Variants in EFCAB14 observed in about 807,000 individuals in gnomAD.
EFCAB14 encodes EF-hand calcium-binding domain-containing protein 14.
In EFCAB14, 43 loss-of-function variants were observed where a neutral mutation model predicts 56.5. That is an observed-to-expected ratio of 0.76 (90% CI 0.60 to 0.98). EFCAB14 has a LOEUF of 0.98. EFCAB14 is among the 50% of genes least tolerant of loss of function. The pLI is 0.00. For missense variants in EFCAB14, 538 were observed against 580.3 expected (o/e 0.93, Z 0.75); for synonymous variants, 235 against 212.9 (o/e 1.10, Z -0.90).
chr1:46,697,455 G>A (rs974006202), intron 3 of EFCAB14, among the ~76,000 whole-genome samples: 2 of 152,218 alleles, frequency 1.3e-5, no homozygotes, highest in Non-Finnish European at 2.9e-5. Context: ...AAGCTTTGCA[G>A]TTTGGCTCGA....
chr1:46,708,547 T>A (rs1334975490), intron 2 of EFCAB14, among the ~76,000 whole-genome samples: 1 of 152,212 alleles, frequency 6.6e-6, no homozygotes, highest in East Asian at 1.9e-4. Context: ...TCTACTCCAT[T>A]AATGCCCAAG....
intron 10 of EFCAB14, among the ~76,000 whole-genome samples, chr1:46,682,688 T>TA (rs1387570651): frequency 6.6e-6 from 1 of 152,148 alleles, no homozygotes; most frequent in Non-Finnish European, 1.5e-5. Context: ...ATGAAGACCC[T>TA]AAAAAACATT....
At position 46,684,493 on chromosome 1, in the gene EFCAB14, T is replaced by G; in HGVS notation, c.1184A>C (p.Glu395Ala). 3 of 1,613,614 alleles carry G rather than the reference T, an allele frequency of 1.9e-6. No homozygotes were observed. Among genetic ancestry groups the G allele is most frequent in the Non-Finnish European group, 2.5e-6 (3 of 1,179,580 alleles). ...ESNRPPETAD[E>A]EQVESFTSKP... ...TAAGAAGCCGGCTCTGCTCTCACCT[T>G]CATCGGCGGTCTCTGGAGGCCTGTT... The change falls in exon 9 of 11, where the codon GAA becomes GCA. Residue 395 changes from glutamate to alanine, a missense_variant and splice_region_variant. Transcript: ENST00000371933.
chr1:46,718,095 T>G lies in EFCAB14; in HGVS notation c.-8A>C, dbSNP rs777612313. The G allele has an allele frequency of 6.2e-7, 1 of 1,613,222 alleles. No individual in the cohort carries two copies. ...CTCTTTGCGCTTTTTCATCTTTTTG[T>G]GTGGGGTGAGTGGAGCCCCGACTCC... On this transcript the variant is annotated 5_prime_UTR_variant, in exon 1 of 11. Transcript: ENST00000371933.
At chr1:46,706,013 C>T (rs778186313) in intron 3 of EFCAB14, among the ~76,000 whole-genome samples, 23 of 151,756 alleles carry the variant, frequency 1.5e-4, no homozygotes, top group African/African-American at 4.1e-4. Flanking sequence ...TAAAGGTGTA[C>T]GCCACCATGC....
At chr1:46,698,679 G>C (rs1475621058) in intron 3 of EFCAB14, among the ~76,000 whole-genome samples, 1 of 152,190 alleles carries the variant, frequency 6.6e-6, no homozygotes, top group Admixed American at 6.5e-5. Flanking sequence ...CATATTCAGA[G>C]AACAGAAGTT....
Position 46,688,492 on chromosome 1 carries a change from C to A in EFCAB14, c.848G>T (p.Gly283Val), listed in dbSNP as rs1469672323. 4 of 1,613,732 alleles carry A rather than the reference C, an allele frequency of 2.5e-6. No homozygotes were observed. The East Asian group carries it at 8.9e-5, about 36-fold the overall frequency. Reference sequence around the variant, plus strand: ...TTTAAGATCATTCTGTCTCTGGTACCCCACTAGGGCACTGTTTACCTCCTC... The same window carrying A: ...TTTAAGATCATTCTGTCTCTGGTACACCACTAGGGCACTGTTTACCTCCTC... ...SLEEVNSALV[G>V]YQRQNDLKLE... The change falls in exon 7 of 11, where the codon GGG (glycine) becomes GTG (valine). Residue 283 changes from glycine to valine, a missense_variant. Gly to Val is a moderately radical substitution (Grantham distance 109). Transcript: ENST00000371933.
At chr1:46,688,856 G>A (rs1294508072) in intron 6 of EFCAB14, among the ~76,000 whole-genome samples, 6 of 152,158 alleles carry the variant, frequency 3.9e-5, no homozygotes, top group African/African-American at 1.4e-4. Flanking sequence ...TGGAGGAAAG[G>A]CTTGCTGGGT....
In EFCAB14 at chr1:46,683,386, G is replaced by C. The variant is rs756776637; in HGVS notation, c.1226C>G (p.Pro409Arg). Residue 409 changes from proline (P) to arginine (R), a missense_variant, in exon 10 of 11, where the codon CCA becomes CGA. By Grantham distance (103) the Pro-to-Arg change is moderately radical. Coordinates refer to ENST00000371933, the MANE Select transcript of EFCAB14 (RefSeq NM_014774.3). ...GTCTCCAAGAAACTGTGAAAATTTT[G>C]GCAATGCTGATGGCTTTGATGTGAA... Reference protein sequence around the residue: ...ESFTSKPSALPKFSQFLGDPV... With the variant: ...ESFTSKPSALRKFSQFLGDPV... The C allele has an allele frequency of 6.2e-7, 1 of 1,613,984 alleles. No individual in the cohort carries two copies. Among genetic ancestry groups the C allele is most frequent in the Admixed American group, 1.7e-5 (1 of 60,010 alleles).
At chr1:46,684,750 C>T in intron 8 of EFCAB14, 148 bp from the exon 9 acceptor site, 3 of 632,872 alleles carry the variant, frequency 4.7e-6, no homozygotes, top group Admixed American at 5.4e-5. Flanking sequence ...TCAACATATA[C>T]TGGTGATGTC....
At chr1:46,689,429 C>A (rs1339767622) in intron 6 of EFCAB14, among the ~76,000 whole-genome samples, 158 bp downstream of exon 6, 1 of 152,108 alleles carries the variant, frequency 6.6e-6, no homozygotes, top group Non-Finnish European at 1.5e-5. Flanking sequence ...CAATATGGAT[C>A]CCCGAGATAC....
chr1:46,713,334 A>C (rs1459779039), intron 2 of EFCAB14, among the ~76,000 whole-genome samples: 1 of 152,140 alleles, frequency 6.6e-6, no homozygotes, highest in Non-Finnish European at 1.5e-5. Context: ...TGGCTGACAA[A>C]TGTAGTTAGG....
rs1676729562 is a variant in EFCAB14, at chr1:46,678,374, C to T, written c.*87G>A. ...GTATCTGCTACAGTAGTTTGGAGGA[C>T]TAGAGGACTGATGGGTAAGTAAGGG... On this transcript the variant is annotated 3_prime_UTR_variant, in exon 11 of 11. Coordinates refer to ENST00000371933, the MANE Select transcript of EFCAB14 (RefSeq NM_014774.3). The T allele has an allele frequency of 4.2e-6, 6 of 1,441,232 alleles. No individual in the cohort carries two copies. In the South Asian group the frequency reaches 7.1e-5, roughly 17 times the overall value. 89.3% of individuals were successfully genotyped at this position (1,441,232 alleles called of 1,614,324 possible).
intron 2 of EFCAB14, among the ~76,000 whole-genome samples, chr1:46,712,049 G>T (rs1677317616): frequency 6.6e-6 from 1 of 152,210 alleles, no homozygotes; most frequent in East Asian, 1.9e-4. Flanking sequence ...ATGAGAAAGT[G>T]AAGGCCCAGA....
intron 4 of EFCAB14, among the ~76,000 whole-genome samples, chr1:46,695,236 C>A (rs1677061950): frequency 6.6e-6 from 1 of 152,100 alleles, no homozygotes. Context: ...AAAGAATAAA[C>A]CAGTTTCCTT....
Position 46,718,196 on chromosome 1 carries a change from G to C in EFCAB14, c.-109C>G, listed in dbSNP as rs1377457337. 2.5e-6 allele frequency: 3 copies of C among 1,210,716 alleles called. No homozygotes were observed. Among genetic ancestry groups the C allele is most frequent in the Non-Finnish European group, 3.5e-6 (3 of 863,342 alleles). 75.0% of individuals were successfully genotyped at this position (1,210,716 alleles called of 1,614,324 possible). ...TGCCTTCCAGGGTTGGGAATCCTGG[G>C]CCAGAGCCCCCTGGTCACTCCCACC... On this transcript the variant is annotated 5_prime_UTR_variant, in exon 1 of 11. Coordinates refer to ENST00000371933, the MANE Select transcript of EFCAB14 (RefSeq NM_014774.3).
intron 2 of EFCAB14, among the ~76,000 whole-genome samples, chr1:46,711,155 G>A (rs1306257067): frequency 6.6e-6 from 1 of 152,188 alleles, no homozygotes; most frequent in Admixed American, 6.5e-5. Context: ...GTAGTTCCCA[G>A]CAGGTGCTTT....
chr1:46,715,709 C>T (rs58568840), intron 2 of EFCAB14, among the ~76,000 whole-genome samples: 3,099 of 152,024 alleles, frequency 0.02, 90 homozygotes, highest in African/African-American at 0.071. Flanking sequence ...GCCTTTTGCA[C>T]GCTAAGCATT....
intron 6 of EFCAB14, 37 bp downstream of exon 6, chr1:46,689,548 ACT>A: frequency 1.3e-6 from 2 of 1,595,378 alleles, no homozygotes; most frequent in Non-Finnish European, 1.7e-6. Flanking sequence ...TCTGCAGTGC[ACT>A]GTGGTCACAG....
Sources: allele counts gnomAD v4.1 joint callset (sites outside exome capture counted in the v4.1 genomes callset), GRCh38; gene constraint gnomAD v4.1.1; transcripts MANE v1.5; gene names NCBI Gene and HGNC (gene_info 2026-07-23, HGNC 2026-07-21).